Variants in USP15 observed in about 807,000 individuals in gnomAD.
The protein encoded by USP15 is ubiquitin specific peptidase 15.
Under a neutral mutation model 127.1 loss-of-function variants are expected in USP15, and 18 were observed. The observed-to-expected ratio is 0.14, with a 90% CI of 0.10 to 0.21. USP15 has a LOEUF of 0.21. USP15 is among the 10% of genes least tolerant of loss of function. The pLI is 1.00. For missense variants in USP15, 805 were observed against 1,159.9 expected (o/e 0.69, Z 4.44); for synonymous variants, 364 against 393.7 (o/e 0.92, Z 0.89).
chr12:62,357,235 T>C (rs1433099426), intron 8 of USP15, among the ~76,000 whole-genome samples: 2 of 152,072 alleles, frequency 1.3e-5, no homozygotes, highest in Admixed American at 6.6e-5. Flanking sequence ...CAATACTGCA[T>C]CCTAGTTTTC....
At chr12:62,374,648 T>C (rs2066766682) in intron 8 of USP15, 1 of 887,914 alleles carries the variant, frequency 1.1e-6, no homozygotes, top group South Asian at 5.2e-5. Flanking sequence ...AGAACATTAT[T>C]TGACTTCATC....
chr12:62,318,456 T>C (rs1326468652), intron 4 of USP15, among the ~76,000 whole-genome samples: 1 of 152,188 alleles, frequency 6.6e-6, no homozygotes, highest in East Asian at 1.9e-4. Context: ...TTCTCTTCAC[T>C]TGGCTTCCTG....
intron 6 of USP15, among the ~76,000 whole-genome samples, chr12:62,338,544 C>T (rs1411722400): frequency 6.6e-6 from 1 of 152,166 alleles, no homozygotes; most frequent in Non-Finnish European, 1.5e-5. Flanking sequence ...GTCATGAAAT[C>T]ATTGCCCATG....
chr12:62,364,892 C>G (rs1046284559), intron 8 of USP15, among the ~76,000 whole-genome samples: 9 of 152,112 alleles, frequency 5.9e-5, no homozygotes, highest in Admixed American at 6.6e-5. Flanking sequence ...ATGAACTCAT[C>G]CTTTTTTATG....
intron 9 of USP15, among the ~76,000 whole-genome samples, chr12:62,383,278 A>G (rs946129266): frequency 6.6e-6 from 1 of 151,998 alleles, no homozygotes; most frequent in Non-Finnish European, 1.5e-5. Flanking sequence ...TTCGTCAACC[A>G]GACAATGTAT....
chr12:62,327,535 ATTGT>A, intron 6 of USP15: 1 of 361,632 alleles, frequency 2.8e-6, no homozygotes, highest in South Asian at 2.1e-5. Context: ...AAATTACAAA[ATTGT>A]TTGTGGATTA....
At chr12:62,277,048 CTG>C (rs1565810039) in intron 1 of USP15, among the ~76,000 whole-genome samples, 1 of 152,080 alleles carries the variant, frequency 6.6e-6, no homozygotes, top group African/African-American at 2.4e-5. Flanking sequence ...GTACTTCATT[CTG>C]TGTGCATATA....
chr12:62,393,799 C>G (rs1252639235), intron 19 of USP15: 3 of 152,328 alleles, frequency 2.0e-5, no homozygotes, highest in Non-Finnish European at 4.4e-5. Flanking sequence ...CCAGGCTGGT[C>G]TCGAACTCCT....
At chr12:62,370,635 A>G (rs185339786) in intron 8 of USP15, among the ~76,000 whole-genome samples, 9 of 152,226 alleles carry the variant, frequency 5.9e-5, no homozygotes, top group Non-Finnish European at 1.3e-4. Context: ...ATACCACCCT[A>G]TAGAAATTGC....
intron 11 of USP15, among the ~76,000 whole-genome samples, chr12:62,384,831 A>G (rs1407110716): frequency 6.6e-6 from 1 of 151,832 alleles, no homozygotes; most frequent in Non-Finnish European, 1.5e-5. Context: ...AGTATCACAT[A>G]TTGTTTATTC....
At chr12:62,310,401 AGT>A (rs2137232577) in intron 3 of USP15, among the ~76,000 whole-genome samples, 1 of 151,760 alleles carries the variant, frequency 6.6e-6, no homozygotes, top group Admixed American at 6.6e-5. Flanking sequence ...TATCCTTCCC[AGT>A]GTCTGTTATC....
At chr12:62,321,678 C>G in intron 5 of USP15, 69 bp downstream of exon 5, 1 of 1,313,838 alleles carries the variant, frequency 7.6e-7, no homozygotes, top group Non-Finnish European at 1.0e-6. Context: ...TAATAATTAT[C>G]CTGGCAATAT....
At chr12:62,332,494 A>C (rs985001782) in intron 6 of USP15, among the ~76,000 whole-genome samples, 5 of 152,088 alleles carry the variant, frequency 3.3e-5, no homozygotes, top group African/African-American at 1.2e-4. Context: ...TGGATTTCTA[A>C]AAAATGATTT....
chr12:62,374,580 A>G (rs764173134), intron 8 of USP15: 44 of 984,500 alleles, frequency 4.5e-5, no homozygotes, highest in Non-Finnish European at 5.2e-5. Context: ...TGGGATGGCT[A>G]TTAATTATTC....
intron 4 of USP15, among the ~76,000 whole-genome samples, chr12:62,315,930 A>G (rs1592569462): frequency 6.6e-6 from 1 of 152,246 alleles, no homozygotes; most frequent in African/African-American, 2.4e-5. Flanking sequence ...TATGTTATGA[A>G]TCTTTATTCT....
At chr12:62,402,229 AAT>A (rs1389060843) in intron 21 of USP15, among the ~76,000 whole-genome samples, 1 of 151,900 alleles carries the variant, frequency 6.6e-6, no homozygotes, top group Non-Finnish European at 1.5e-5. Context: ...TTAGTCAACA[AAT>A]TGAATATGAT....
chr12:62,290,198 C>T (rs1213584059), intron 1 of USP15, among the ~76,000 whole-genome samples: 2 of 152,084 alleles, frequency 1.3e-5, no homozygotes, highest in Admixed American at 1.3e-4. Context: ...CTGTCTAGTG[C>T]TGTCAGTGGA....
chr12:62,365,326 A>G (rs2066442156), intron 8 of USP15, among the ~76,000 whole-genome samples: 1 of 151,914 alleles, frequency 6.6e-6, no homozygotes, highest in Non-Finnish European at 1.5e-5. Context: ...GCTTTTTTTC[A>G]TATGTTTGTT....
chr12:62,335,250 C>T, intron 6 of USP15: 1 of 1,526,238 alleles, frequency 6.6e-7, no homozygotes, highest in Non-Finnish European at 8.7e-7. Flanking sequence ...TGGTTATCAT[C>T]CACAGACTGA....
Sources: gnomAD v4.1 joint callset for allele counts (sites outside exome capture counted in the v4.1 genomes callset) on GRCh38, gnomAD v4.1.1 for gene constraint, MANE v1.5 for transcripts, NCBI Gene and HGNC (gene_info 2026-07-23, HGNC 2026-07-21) for gene names.